The following PTPRD variants were observed in gnomAD, a reference collection of about 807,000 sequenced individuals.
PTPRD encodes the protein receptor-type tyrosine-protein phosphatase delta.
PTPRD carries 34 observed loss-of-function variants against 214.5 expected under a neutral mutation model. The observed-to-expected ratio is 0.16, with a 90% CI of 0.12 to 0.21. PTPRD has a LOEUF of 0.21. PTPRD is among the 10% of genes least tolerant of loss of function. The pLI, the probability that PTPRD is intolerant of heterozygous loss-of-function variation, is 1.00. For synonymous variants in PTPRD, 1,128 were observed against 845.7 expected (o/e 1.33, Z -5.79); for missense variants, 2,545 against 2,398.7 (o/e 1.06, Z -1.27).
intron 3 of PTPRD, among the ~76,000 whole-genome samples, chr9:10,162,047 G>T (rs926235116): frequency 2.0e-5 from 3 of 151,580 alleles, no homozygotes; most frequent in African/African-American, 7.2e-5. Context: ...GAATATTGAT[G>T]CTAGTGAGGA....
At chr9:9,470,411 T>G (rs1276591587) in intron 8 of PTPRD, among the ~76,000 whole-genome samples, 2 of 152,196 alleles carry the variant, frequency 1.3e-5, no homozygotes, top group African/African-American at 4.8e-5. Flanking sequence ...AATATCACAT[T>G]AAAGAATAAA....
At chr9:10,566,319 T>C (rs2065596196) in intron 2 of PTPRD, among the ~76,000 whole-genome samples, 1 of 152,152 alleles carries the variant, frequency 6.6e-6, no homozygotes, top group Non-Finnish European at 1.5e-5. Flanking sequence ...GTGTATATTG[T>C]CAGCTTTTCT....
At chr9:8,432,652 T>C (rs1363804062) in intron 35 of PTPRD, among the ~76,000 whole-genome samples, 2 of 152,244 alleles carry the variant, frequency 1.3e-5, no homozygotes, top group East Asian at 3.8e-4. Flanking sequence ...AGTAAAAATC[T>C]ATTCAAATTT....
intron 3 of PTPRD, among the ~76,000 whole-genome samples, chr9:10,263,890 C>T (rs2093869667): frequency 6.6e-6 from 1 of 152,084 alleles, no homozygotes; most frequent in Non-Finnish European, 1.5e-5. Context: ...AGGGACCCTC[C>T]TGCTGTTTGC....
At chr9:9,099,894 A>C (rs2099788970) in intron 10 of PTPRD, among the ~76,000 whole-genome samples, 1 of 152,156 alleles carries the variant, frequency 6.6e-6, no homozygotes, top group Admixed American at 6.5e-5. Flanking sequence ...AAGGGTGAGG[A>C]AGCACTGCAG....
rs778089960 is a variant in PTPRD, at chr9:9,916,405, AAATC to A, written c.-368+22098_-368+22101del. On this transcript the variant is annotated intron_variant, in intron 5 of 45. Transcript: ENST00000381196. ...AACAAAGGGTATATAAAACAACAAG[AAATC>A]AATCAAATGATAGGTGTACGTCCTC... Among the ~76,000 whole-genome samples the A allele has an allele frequency of 2.5e-3, 375 of 152,158 alleles. 5 individuals are homozygous for A. Among genetic ancestry groups the A allele is most frequent in the Non-Finnish European group, 6.2e-4 (42 of 67,916 alleles).
At chr9:9,257,458 A>AACAC (rs1406730249) in intron 9 of PTPRD, among the ~76,000 whole-genome samples, 1 of 151,910 alleles carries the variant, frequency 6.6e-6, no homozygotes, top group Non-Finnish European at 1.5e-5. Context: ...GAAATTTAAA[A>AACAC]ACAGAAAGCT....
intron 11 of PTPRD, among the ~76,000 whole-genome samples, chr9:8,945,207 A>G (rs1206890774): frequency 6.6e-6 from 1 of 152,024 alleles, no homozygotes; most frequent in Non-Finnish European, 1.5e-5. Context: ...CAAACAGAAA[A>G]TCATTCATGG....
chr9:9,132,836 T>A (rs1244680380), intron 10 of PTPRD, among the ~76,000 whole-genome samples: 1 of 152,176 alleles, frequency 6.6e-6, no homozygotes, highest in African/African-American at 2.4e-5. Flanking sequence ...ACTCACTTTG[T>A]TTTTAAAATC....
At chr9:8,994,950 T>C (rs1409307288) in intron 11 of PTPRD, among the ~76,000 whole-genome samples, 1 of 152,064 alleles carries the variant, frequency 6.6e-6, no homozygotes, top group South Asian at 2.1e-4. Flanking sequence ...ATGGCAGTGA[T>C]TGGTGTAATT....
At chr9:10,316,167 G>GTATATATACA (rs201245919) in intron 3 of PTPRD, among the ~76,000 whole-genome samples, 10 of 117,280 alleles carry the variant, frequency 8.5e-5, no homozygotes, top group South Asian at 3.0e-4. Flanking sequence ...GTATATCTAT[G>GTATATATACA]TATATATACA....
At chr9:8,323,735 G>T (rs1033299973) in intron 44 of PTPRD, among the ~76,000 whole-genome samples, 1 of 152,080 alleles carries the variant, frequency 6.6e-6, no homozygotes, top group Admixed American at 6.6e-5. Flanking sequence ...TTCTCAAGAT[G>T]GAATATACTC....
At chr9:8,462,175 A>T (rs9299065) in intron 32 of PTPRD, among the ~76,000 whole-genome samples, 4,919 of 151,878 alleles carry the variant, frequency 0.032, 271 homozygotes, top group African/African-American at 0.11. Context: ...TTTTTCCCAG[A>T]TCCTTCTTCC....
chr9:9,376,890 C>A (rs909766083), intron 9 of PTPRD, among the ~76,000 whole-genome samples: 4 of 151,926 alleles, frequency 2.6e-5, no homozygotes, highest in Admixed American at 1.3e-4. Flanking sequence ...GTAATCCCAT[C>A]TTAATAGACA....
At chr9:9,449,517 C>T (rs922814144) in intron 8 of PTPRD, among the ~76,000 whole-genome samples, 2 of 151,906 alleles carry the variant, frequency 1.3e-5, no homozygotes, top group African/African-American at 4.8e-5. Flanking sequence ...TATAAGGAAC[C>T]TGCCCTGATG....
chr9:8,370,207 TACACACACACAC>T (rs78658053), intron 39 of PTPRD, among the ~76,000 whole-genome samples: 7 of 81,972 alleles, frequency 8.5e-5, no homozygotes, highest in South Asian at 3.0e-4. Context: ...CATATATATA[TACACACACACAC>T]ACACACACAC....
intron 3 of PTPRD, among the ~76,000 whole-genome samples, chr9:10,306,116 T>C (rs1157606511): frequency 6.6e-6 from 1 of 152,036 alleles, no homozygotes; most frequent in Non-Finnish European, 1.5e-5. Flanking sequence ...GTTCATGTCC[T>C]TTGCAGGGAC....
At chr9:9,973,469 C>T (rs151212371) in intron 4 of PTPRD, among the ~76,000 whole-genome samples, 5 of 150,722 alleles carry the variant, frequency 3.3e-5, no homozygotes, top group Non-Finnish European at 1.5e-5. Context: ...GAGACCTTGT[C>T]TCAAAAAAAA....
intron 9 of PTPRD, among the ~76,000 whole-genome samples, chr9:9,211,689 A>G (rs1280329354): frequency 6.6e-6 from 1 of 152,258 alleles, no homozygotes; most frequent in Non-Finnish European, 1.5e-5. Flanking sequence ...TAACATGTTT[A>G]AGAGAATAAC....
Sources: allele counts gnomAD v4.1 joint callset (sites outside exome capture counted in the v4.1 genomes callset), GRCh38; gene constraint gnomAD v4.1.1; transcripts MANE v1.5; gene names NCBI Gene and HGNC (gene_info 2026-07-23, HGNC 2026-07-21).